VIT: variants seen among roughly 807,000 people sequenced by gnomAD.
VIT encodes the protein vitrin.
A neutral mutation model predicts 78.0 loss-of-function variants in VIT; 99 were observed. The ratio of observed to expected loss-of-function variants is 1.27; its 90% CI spans 1.08 to 1.50. VIT has a LOEUF of 1.50. Among genes scored for constraint, VIT ranks in the 40% most tolerant of loss-of-function variants. The pLI is 0.00. For synonymous variants in VIT, 374 were observed against 334.3 expected, an observed-to-expected ratio of 1.12 and a Z score of -1.29; for missense variants, 1,126 against 875.3, an observed-to-expected ratio of 1.29 and a Z score of -3.61.
intron 6 of VIT, among the ~76,000 whole-genome samples, chr2:36,761,691 G>C (rs1162666657): frequency 6.6e-6 from 1 of 151,966 alleles, no homozygotes; most frequent in Non-Finnish European, 1.5e-5. Flanking sequence ...AGTGAGCCAA[G>C]ATCACGGCAC....
Position 36,814,593 on chromosome 2 carries a change from C to G in VIT, c.*232C>G, listed in dbSNP as rs563455601. 1.4e-5 allele frequency: 7 copies of G among 508,600 alleles called. No individual in the cohort carries two copies. The highest frequency in any genetic ancestry group is 2.4e-5 in the Non-Finnish European group (7 of 296,782). 31.5% of individuals were successfully genotyped at this position (508,600 alleles called of 1,614,324 possible). On this transcript the variant is annotated 3_prime_UTR_variant, in exon 16 of 16. Coordinates refer to ENST00000379242, the MANE Select transcript of VIT (RefSeq NM_053276.4). The stretch of plus-strand genomic sequence containing the variant: ...AAAAGGCTACATCATGTTGAGGGTG[C>G]TGGAGATTTTACATTTTGACAATTG...
At position 36,735,046 on chromosome 2, in the gene VIT, C is replaced by T. The variant is rs192080292; in HGVS notation, c.118+5555C>T. On this transcript the variant is annotated intron_variant, in intron 3 of 15. Coordinates refer to ENST00000379242, the MANE Select transcript of VIT (RefSeq NM_053276.4). ...GGGCGTGGTGGCAGGCACCTGTAAT[C>T]CCAGCTACTTGGGAGGCTGAGGCAG... Among the ~76,000 whole-genome samples the T allele has an allele frequency of 3.4e-3, 510 of 152,194 alleles. 3 individuals are homozygous for T. Among genetic ancestry groups the T allele is most frequent in the African/African-American group, 0.011 (469 of 41,548 alleles).
At chr2:36,722,220 T>C (rs1157710607) in intron 2 of VIT, among the ~76,000 whole-genome samples, 1 of 152,104 alleles carries the variant, frequency 6.6e-6, no homozygotes, top group Non-Finnish European at 1.5e-5. Context: ...GTCATTGGAG[T>C]ATTGTTTATA....
chr2:36,755,212 A>T (rs969647994), intron 5 of VIT, among the ~76,000 whole-genome samples, 158 bp downstream of exon 5: 1 of 152,226 alleles, frequency 6.6e-6, no homozygotes, highest in Admixed American at 6.5e-5. Context: ...AATAAATTAG[A>T]ATTACATGAT....
chr2:36,778,516 T>C (rs961222328), intron 9 of VIT, among the ~76,000 whole-genome samples: 1 of 152,060 alleles, frequency 6.6e-6, no homozygotes, highest in Non-Finnish European at 1.5e-5. Context: ...AACCATGGAG[T>C]TAATGTTTCC....
intron 12 of VIT, among the ~76,000 whole-genome samples, chr2:36,788,360 C>CA (rs1665254023): frequency 6.6e-6 from 1 of 152,118 alleles, no homozygotes; most frequent in Admixed American, 6.5e-5. Context: ...TTTGAGTTGT[C>CA]AAGAGAAATA....
In VIT at chr2:36,814,564, A is replaced by C. The variant is rs1159425055; in HGVS notation, c.*203A>C. 6.5e-6 allele frequency: 4 copies of C among 611,632 alleles called. No homozygotes were observed. The highest frequency in any genetic ancestry group is 1.1e-5 in the Non-Finnish European group (4 of 369,752). The allele number at this position is 611,632 out of a possible 1,614,324, so 37.9% of individuals were successfully genotyped here. On this transcript the variant is annotated 3_prime_UTR_variant, in exon 16 of 16. Transcript: ENST00000379242. ...AAGATGATCACAAACGTATAGAATG[A>C]GCCAAAAGGCTACATCATGTTGAGG... is the stretch of plus-strand genomic sequence containing the variant.
chr2:36,782,177 T>G (rs1664804727), intron 10 of VIT, among the ~76,000 whole-genome samples: 1 of 152,224 alleles, frequency 6.6e-6, no homozygotes, highest in South Asian at 2.1e-4. Context: ...CATTAAATAT[T>G]TGAAACTCCA....
intron 11 of VIT, among the ~76,000 whole-genome samples, 177 bp downstream of exon 11, chr2:36,783,579 CTA>C (rs1004408144): frequency 3.3e-5 from 5 of 152,168 alleles, no homozygotes; most frequent in African/African-American, 1.2e-4. Context: ...TATAAACTGT[CTA>C]TGTGCATGAG....
chr2:36,806,054 G>A lies in VIT; in HGVS notation c.1389+390G>A, dbSNP rs374182128. Among the ~76,000 whole-genome samples the A allele has an allele frequency of 1.9e-4, 29 of 151,966 alleles. No individual in the cohort carries two copies. The East Asian group carries it at 4.3e-3, about 22-fold the overall frequency. On this transcript the variant is annotated intron_variant, in intron 14 of 15. Coordinates refer to ENST00000379242, the MANE Select transcript of VIT (RefSeq NM_053276.4). Reference sequence around the variant, plus strand: ...CTTTCTCCTGTATACACACATTGCCGATTCATCAACCTGATAAACCAGAGA... The same window carrying A: ...CTTTCTCCTGTATACACACATTGCCAATTCATCAACCTGATAAACCAGAGA...
At chr2:36,813,707 T>C (rs141765702) in intron 15 of VIT, among the ~76,000 whole-genome samples, 3 of 152,168 alleles carry the variant, frequency 2.0e-5, no homozygotes, top group African/African-American at 4.8e-5. Context: ...GTTTAAAAGA[T>C]CTTGAACCAG....
chr2:36,731,413 A>G (rs1667200240), intron 3 of VIT, among the ~76,000 whole-genome samples: 1 of 152,024 alleles, frequency 6.6e-6, no homozygotes, highest in Non-Finnish European at 1.5e-5. Context: ...AGCTGGGACT[A>G]CAGGCGCCCG....
At chr2:36,730,616 C>T (rs191351541) in intron 3 of VIT, among the ~76,000 whole-genome samples, 11 of 152,308 alleles carry the variant, frequency 7.2e-5, no homozygotes, top group Admixed American at 2.0e-4. Context: ...GGGCCTTGCT[C>T]GGCCACATTG....
rs1322278864 is a variant in VIT, at chr2:36,781,817, G to T, written c.847+46G>T. On this transcript the variant is annotated intron_variant, in intron 10 of 15. Coordinates refer to ENST00000379242, the MANE Select transcript of VIT (RefSeq NM_053276.4). ...CTCAGCCACGCGTGGATCAAGATGC[G>T]CAGGATAGCAGAACTAAGAGTCTAA... 3.7e-6 allele frequency: 6 copies of T among 1,605,200 alleles called. No individual in the cohort carries two copies. The South Asian group carries it at 4.4e-5, about 12-fold the overall frequency.
chr2:36,739,106 A>G (rs1460812669), intron 3 of VIT, among the ~76,000 whole-genome samples: 3 of 152,216 alleles, frequency 2.0e-5, no homozygotes, highest in Admixed American at 2.0e-4. Context: ...TCACAGTGCA[A>G]CAAAATTAAG....
At chr2:36,751,681 G>A (rs1250815159) in intron 4 of VIT, among the ~76,000 whole-genome samples, 6 of 152,064 alleles carry the variant, frequency 3.9e-5, no homozygotes, top group African/African-American at 1.4e-4. Context: ...GGAACTTGGT[G>A]GGAAAAATAT....
intron 11 of VIT, among the ~76,000 whole-genome samples, chr2:36,785,131 C>T (rs1417859638): frequency 6.6e-6 from 1 of 152,228 alleles, no homozygotes; most frequent in Non-Finnish European, 1.5e-5. Context: ...CTGGCCCTTA[C>T]TCTAATTAAC....
At chr2:36,712,286 T>A (rs1335048006) in intron 1 of VIT, among the ~76,000 whole-genome samples, 1 of 152,184 alleles carries the variant, frequency 6.6e-6, no homozygotes, top group Non-Finnish European at 1.5e-5. Flanking sequence ...CTGGTCAGGT[T>A]CCATTATTGA....
chr2:36,789,064 G>T (rs113969090), intron 12 of VIT, among the ~76,000 whole-genome samples: 1 of 152,038 alleles, frequency 6.6e-6, no homozygotes, highest in African/African-American at 2.4e-5. Context: ...CCTTTTTCAC[G>T]GGGTTCTTAT....
Sources: allele counts gnomAD v4.1 joint callset (sites outside exome capture counted in the v4.1 genomes callset), GRCh38; gene constraint gnomAD v4.1.1; transcripts MANE v1.5; gene names NCBI Gene and HGNC (gene_info 2026-07-23, HGNC 2026-07-21).